The following KSR2 variants were observed in gnomAD, a reference collection of about 807,000 sequenced individuals.
The protein encoded by KSR2 is kinase suppressor of ras 2.
In KSR2, 25 loss-of-function variants were observed where a neutral mutation model predicts 107.8. The ratio of observed to expected loss-of-function variants is 0.23; its 90% CI spans 0.17 to 0.32. The LOEUF (loss-of-function observed/expected upper bound fraction) is 0.32. Among genes scored for constraint, KSR2 ranks in the 10% least tolerant of loss-of-function variants. KSR2 has a pLI of 1.00. For missense variants in KSR2, 887 were observed against 1,268.9 expected, an observed-to-expected ratio of 0.70 and a Z score of 4.57; for synonymous variants, 480 against 507.0, an observed-to-expected ratio of 0.95 and a Z score of 0.71.
chr12:117,968,251 T>C lies in KSR2; in HGVS notation c.5A>G (p.Asp2Gly), dbSNP rs1287193331. The C allele has an allele frequency of 8.9e-6, 12 of 1,347,416 alleles. No homozygotes were observed. Among genetic ancestry groups the C allele is most frequent in the Non-Finnish European group, 1.2e-5 (12 of 1,020,334 alleles). The allele number at this position is 1,347,416 out of a possible 1,614,324, so 83.5% of individuals were successfully genotyped here. M[D>G]EENMTKSEEQ... ...CTCGCTTTTCGTCATGTTTTCCTCA[T>C]CCATCGCTTGCTCTGCAACCCCCTT... Residue 2 changes from aspartate to glycine, a missense_variant, in exon 1 of 20, where the codon GAT becomes GGT. Asp to Gly is a moderately conservative substitution (Grantham distance 94). Coordinates refer to ENST00000339824, the MANE Select transcript of KSR2 (RefSeq NM_173598.6).
intron 3 of KSR2, among the ~76,000 whole-genome samples, chr12:117,833,976 A>AAT (rs1892087916): frequency 6.7e-6 from 1 of 150,078 alleles, no homozygotes; most frequent in African/African-American, 2.5e-5. Flanking sequence ...AAAAAAAAAA[A>AAT]TTTTCATTAA....
chr12:117,531,235 G>C (rs1565886817), intron 11 of KSR2, among the ~76,000 whole-genome samples: 1 of 152,064 alleles, frequency 6.6e-6, no homozygotes, highest in Non-Finnish European at 1.5e-5. Flanking sequence ...TGTTGAATAG[G>C]GGGCTGCCAG....
rs1267896077 is a variant in KSR2 at position 117,462,381 on chromosome 12, G to A, written c.*4818C>T. On this transcript the variant is annotated 3_prime_UTR_variant, in exon 20 of 20. Coordinates refer to ENST00000339824, the MANE Select transcript of KSR2 (RefSeq NM_173598.6). ...AAATAGGGTGGGCCCTTAATCCAAT[G>A]TGACTCGTGTCCTTATAAGAAGATG... 1 of 151,956 alleles carries A rather than the reference G, an allele frequency of 6.6e-6. No individual in the cohort carries two copies. The highest frequency in any genetic ancestry group is 1.5e-5 in the Non-Finnish European group (1 of 68,020). 9.4% of individuals were successfully genotyped at this position (151,956 alleles called of 1,614,324 possible). A position where few individuals can be genotyped will look rare whatever the true frequency, so the allele number is the denominator to read the frequency against.
At chr12:117,829,819 A>T (rs1891892317) in intron 3 of KSR2, among the ~76,000 whole-genome samples, 1 of 152,256 alleles carries the variant, frequency 6.6e-6, no homozygotes, top group African/African-American at 2.4e-5. Context: ...ACTCTAGTTC[A>T]CTGGCTCCTG....
At position 117,897,815 on chromosome 12, in the gene KSR2, G is replaced by C. The variant is rs1894560946; in HGVS notation, c.181-37384C>G. Among the ~76,000 whole-genome samples, 1 of 151,930 alleles carries C rather than the reference G, an allele frequency of 6.6e-6. No homozygotes were observed. The highest frequency in any genetic ancestry group is 2.4e-5 in the African/African-American group (1 of 41,360). On this transcript the variant is annotated intron_variant, in intron 1 of 19. Transcript: ENST00000339824. This position sits in a 1 kb window ranked among gnomAD's most constrained non-coding sequence, Gnocchi z 4.5. ...ATGGGCTTAATTCCCCAAATTGTTG[G>C]GAATATTGTTTTATTTTCCTATGAA...
intron 9 of KSR2, among the ~76,000 whole-genome samples, chr12:117,544,011 A>G (rs1876679213): frequency 6.6e-6 from 1 of 152,152 alleles, no homozygotes; most frequent in African/African-American, 2.4e-5. Context: ...GGATTAAGGG[A>G]CCACCCTTCC....
intron 7 of KSR2, among the ~76,000 whole-genome samples, chr12:117,567,219 G>C (rs769241220): frequency 1.3e-5 from 2 of 152,228 alleles, no homozygotes; most frequent in Admixed American, 1.3e-4. Flanking sequence ...GTCAGGGAAG[G>C]CTTCCCGGAG....
intron 1 of KSR2, among the ~76,000 whole-genome samples, chr12:117,885,874 T>A (rs890152504): frequency 4.6e-5 from 7 of 151,896 alleles, no homozygotes; most frequent in Non-Finnish European, 7.4e-5. Context: ...GGCAGGTGGA[T>A]CACAAGGTCA....
chr12:117,941,093 A>G (rs1895991696), intron 1 of KSR2, among the ~76,000 whole-genome samples: 1 of 151,980 alleles, frequency 6.6e-6, no homozygotes, highest in African/African-American at 2.4e-5. Context: ...TCAAAAAAAT[A>G]ATAATAATAA....
intron 4 of KSR2, among the ~76,000 whole-genome samples, chr12:117,753,830 A>G (rs1003558601): frequency 5.9e-5 from 9 of 152,032 alleles, no homozygotes; most frequent in Non-Finnish European, 5.9e-5. Context: ...AAAAAAAAAA[A>G]AAGAAGAAGG....
At chr12:117,952,984 CA>C (rs33941668) in intron 1 of KSR2, among the ~76,000 whole-genome samples, 3,144 of 100,724 alleles carry the variant, frequency 0.031, 95 homozygotes, top group Admixed American at 0.16. Flanking sequence ...GACTCCATCT[CA>C]AAAAAAAAAA....
chr12:117,917,285 A>G (rs1388296695), intron 1 of KSR2, among the ~76,000 whole-genome samples: 1 of 151,990 alleles, frequency 6.6e-6, no homozygotes, highest in Non-Finnish European at 1.5e-5. Flanking sequence ...TCATGCCTGT[A>G]ATCCCAGTAC....
At chr12:117,920,155 G>A (rs1895297214) in intron 1 of KSR2, among the ~76,000 whole-genome samples, 1 of 152,178 alleles carries the variant, frequency 6.6e-6, no homozygotes, top group Admixed American at 6.5e-5. Context: ...CTAGAGGAGA[G>A]TGGCACAATC....
chr12:117,835,681 G>C (rs947343492), intron 3 of KSR2, among the ~76,000 whole-genome samples: 2 of 152,110 alleles, frequency 1.3e-5, no homozygotes, highest in African/African-American at 4.8e-5. Context: ...GTCACTACCA[G>C]GGGCTAGGGG....
intron 19 of KSR2, among the ~76,000 whole-genome samples, chr12:117,468,460 C>A (rs1281333582): frequency 1.3e-5 from 2 of 152,178 alleles, no homozygotes; most frequent in Non-Finnish European, 2.9e-5. Flanking sequence ...GGATAAGCCC[C>A]TGGGGAAAGA....
In KSR2 at chr12:117,551,462, A is replaced by G. The variant is rs567302552; in HGVS notation, c.1518+3707T>C. 3.3e-4 allele frequency among the ~76,000 whole-genome samples: 51 copies of G among 152,318 alleles called. No individual in the cohort carries two copies. The South Asian group carries it at 0.01, about 31-fold the overall frequency. ...ATACCTCCTATTATGTCTATTTTAC[A>G]TAAAGGAAAACTAAGGCAGACAGAT... On this transcript the variant is annotated intron_variant, in intron 9 of 19. Coordinates refer to ENST00000339824, the MANE Select transcript of KSR2 (RefSeq NM_173598.6).
chr12:117,595,614 C>G (rs1228434687), intron 5 of KSR2, among the ~76,000 whole-genome samples: 1 of 152,142 alleles, frequency 6.6e-6, no homozygotes, highest in Admixed American at 6.5e-5. Context: ...CCACCCGCCT[C>G]GGCCTCCCAA....
intron 2 of KSR2, among the ~76,000 whole-genome samples, chr12:117,857,266 C>A (rs572863937): frequency 2.2e-4 from 34 of 151,970 alleles, no homozygotes; most frequent in Non-Finnish European, 4.3e-4. Context: ...CACTATGTTG[C>A]CCAGGCTGGT....
rs188327572 is a variant in KSR2 at position 117,626,730 on chromosome 12, G to T, written c.1171+40744C>A. On this transcript the variant is annotated intron_variant, in intron 5 of 19. Transcript: ENST00000339824. ...AAGATGTCTATTTGGCCTGCTTGTT[G>T]CAGATCTGAGTTCAGGTCCTGGATA... Among the ~76,000 whole-genome samples, 12 of 152,210 alleles carry T rather than the reference G, an allele frequency of 7.9e-5. No individual in the cohort carries two copies. The East Asian group carries it at 2.3e-3, about 29-fold the overall frequency.
Sources: gnomAD v4.1 joint callset for allele counts (sites outside exome capture counted in the v4.1 genomes callset) on GRCh38, gnomAD v4.1.1 for gene constraint, Gnocchi (gnomAD v3.1) non-coding constraint, MANE v1.5 for transcripts, NCBI Gene and HGNC (gene_info 2026-07-23, HGNC 2026-07-21) for gene names.